The following TYW1B variants were observed in gnomAD, a reference collection of about 807,000 sequenced individuals.
TYW1B encodes the protein tRNA-yW synthesizing protein 1 homolog B, also known as S-adenosyl-L-methionine-dependent tRNA 4-demethylwyosine synthase TYW1B.
Under a neutral mutation model 86.9 loss-of-function variants are expected in TYW1B, and 73 were observed. The ratio of observed to expected loss-of-function variants is 0.84; its 90% CI spans 0.70 to 1.02. TYW1B has a LOEUF of 1.02. Ranked by LOEUF, TYW1B falls within the 50% of genes least tolerant of loss-of-function variation. The pLI, the probability that TYW1B is intolerant of heterozygous loss-of-function variation, is 0.00. For missense variants in TYW1B, 637 were observed against 827.4 expected (o/e 0.77, Z 2.82); for synonymous variants, 248 against 292.8 (o/e 0.85, Z 1.56).
chr7:72,630,833 A>G (rs1173714999), intron 11 of TYW1B, among the ~76,000 whole-genome samples: 1 of 152,136 alleles, frequency 6.6e-6, no homozygotes, highest in Non-Finnish European at 1.5e-5. Flanking sequence ...AATCCTTCCA[A>G]TGCCAAAAGC....
chr7:72,628,428 G>T (rs1238359272), intron 12 of TYW1B, among the ~76,000 whole-genome samples: 2 of 152,132 alleles, frequency 1.3e-5, no homozygotes, highest in Non-Finnish European at 2.9e-5. Flanking sequence ...AGAGAAAATG[G>T]GTAAAGGTAT....
At chr7:72,806,228 T>G (rs1198954115) in intron 5 of TYW1B, among the ~76,000 whole-genome samples, 1 of 123,642 alleles carries the variant, frequency 8.1e-6, no homozygotes, top group Admixed American at 9.7e-5. Context: ...TTTGGTTGTG[T>G]GTGTGTGGGT....
At chr7:72,765,371 T>C (rs1554468132) in intron 7 of TYW1B, among the ~76,000 whole-genome samples, 2 of 152,210 alleles carry the variant, frequency 1.3e-5, no homozygotes, top group Non-Finnish European at 2.9e-5. Flanking sequence ...GTTCTTGTTA[T>C]CTACGTGTAG....
chr7:72,705,189 TC>T (rs1814583530), intron 10 of TYW1B, among the ~76,000 whole-genome samples: 1 of 152,206 alleles, frequency 6.6e-6, no homozygotes. Context: ...CTGAGCTAAC[TC>T]ATACAAGAAA....
chr7:72,768,851 G>T lies in TYW1B; in HGVS notation c.964+8565C>A. ...ATCCTGTGCCCTATATGACTTCTCT[G>T]ATTCACAAACTCTAAGAATGGTTTA... On this transcript the variant is annotated intron_variant, in intron 7 of 13. Transcript: ENST00000620995. 1.0e-5 allele frequency: 3 copies of T among 290,376 alleles called. No individual in the cohort carries two copies. The South Asian group carries it at 1.3e-4, about 12-fold the overall frequency. The allele number at this position is 290,376 out of a possible 1,614,324, so 18.0% of individuals were successfully genotyped here. A position where few individuals can be genotyped will look rare whatever the true frequency, so the allele number is the denominator to read the frequency against.
intron 11 of TYW1B, among the ~76,000 whole-genome samples, chr7:72,681,227 G>A (rs35981739): frequency 1.2e-4 from 19 of 152,206 alleles, no homozygotes; most frequent in Admixed American, 2.0e-4. Flanking sequence ...AGAGGAGATC[G>A]GATAAATGCA....
intron 7 of TYW1B, among the ~76,000 whole-genome samples, chr7:72,773,797 C>G (rs1554470055): frequency 6.6e-6 from 1 of 152,132 alleles, no homozygotes; most frequent in African/African-American, 2.4e-5. Flanking sequence ...GGCATGGTGG[C>G]TCACACCTGT....
chr7:72,720,511 T>C (rs1158469529), intron 9 of TYW1B, among the ~76,000 whole-genome samples: 4 of 152,192 alleles, frequency 2.6e-5, no homozygotes, highest in South Asian at 2.1e-4. Flanking sequence ...TGATCAACTT[T>C]TTAAAGTAAT....
rs544647454 is a variant in TYW1B at position 72,648,074 on chromosome 7, A to G, written c.1507-19077T>C. On this transcript the variant is annotated intron_variant, in intron 11 of 13. Transcript: ENST00000620995. ...GCAGCATGGCATTAATAATATAAAT[A>G]TATCTACACCAAAAAAATTAAGGTT... Among the ~76,000 whole-genome samples the G allele has an allele frequency of 1.5e-4, 23 of 152,288 alleles. No homozygotes were observed. The East Asian group carries it at 3.9e-3, about 26-fold the overall frequency.
rs192909869 is a variant in TYW1B at position 72,740,790 on chromosome 7, G to A, written c.1082+3694C>T. Among the ~76,000 whole-genome samples the A allele has an allele frequency of 4.3e-3, 649 of 150,488 alleles. 3 individuals carry two copies. The highest frequency in any genetic ancestry group is 0.015 in the African/African-American group (616 of 40,930). ...GTGTTGCCCAGGCTGGAGTGCAGTGGCGTGATCTCGGCTCACTGCAAGCTC... is the reference window on the plus strand; with the variant it reads ...GTGTTGCCCAGGCTGGAGTGCAGTGACGTGATCTCGGCTCACTGCAAGCTC... On this transcript the variant is annotated intron_variant, in intron 8 of 13. Transcript: ENST00000620995.
intron 12 of TYW1B, among the ~76,000 whole-genome samples, chr7:72,619,302 A>G (rs1563032845): frequency 6.6e-6 from 1 of 152,208 alleles, no homozygotes; most frequent in South Asian, 2.1e-4. Context: ...TTGCTCAGTA[A>G]CAGAGCTTAA....
intron 5 of TYW1B, among the ~76,000 whole-genome samples, chr7:72,805,672 C>T (rs1554476550): frequency 6.6e-6 from 1 of 150,548 alleles, no homozygotes; most frequent in Non-Finnish European, 1.5e-5. Context: ...TCATAGTAAG[C>T]ATGAGAGGAA....
At chr7:72,608,717 G>A (rs1454211672) in intron 13 of TYW1B, among the ~76,000 whole-genome samples, 2 of 152,208 alleles carry the variant, frequency 1.3e-5, no homozygotes, top group African/African-American at 4.8e-5. Flanking sequence ...CTGATCAAAA[G>A]AAAGTCGAAG....
intron 6 of TYW1B, among the ~76,000 whole-genome samples, chr7:72,781,531 C>G (rs1393733362): frequency 6.6e-6 from 1 of 152,108 alleles, no homozygotes; most frequent in Non-Finnish European, 1.5e-5. Context: ...CCCAGTAAAG[C>G]CTTTCTTTTT....
chr7:72,721,598 T>A (rs1192234910), intron 9 of TYW1B, among the ~76,000 whole-genome samples: 2 of 151,770 alleles, frequency 1.3e-5, no homozygotes, highest in African/African-American at 4.9e-5. Flanking sequence ...TTTCCCATTA[T>A]CTCACACTCA....
chr7:72,674,357 T>C (rs1813685599), intron 11 of TYW1B, among the ~76,000 whole-genome samples: 1 of 152,130 alleles, frequency 6.6e-6, no homozygotes, highest in African/African-American at 2.4e-5. Flanking sequence ...TTTTCGGCAG[T>C]GGCTGTGATG....
At chr7:72,605,821 C>T (rs1277912271) in intron 13 of TYW1B, among the ~76,000 whole-genome samples, 1 of 152,246 alleles carries the variant, frequency 6.6e-6, no homozygotes, top group Non-Finnish European at 1.5e-5. Context: ...CTGGACAACA[C>T]CTTTCAATTA....
rs372230414 is a variant in TYW1B at position 72,815,480 on chromosome 7, C to A, written c.137G>T (p.Gly46Val). 6.9e-6 allele frequency: 11 copies of A among 1,604,444 alleles called. No homozygotes were observed. Among genetic ancestry groups the A allele is most frequent in the East Asian group, 2.2e-5 (1 of 44,548 alleles). ...ICVQIVIEMQ[G>V]FATVLAEAVT... ...TGCTTCAGCAAGAACTGTTGCAAAT[C>A]CCTAATAGGACAAAAAAAAACTTCA... The change falls in exon 3 of 14, where the codon GGA becomes GTA. Residue 46 changes from glycine (G) to valine (V), a missense_variant and splice_region_variant. By Grantham distance (109) the Gly-to-Val change is moderately radical. Transcript: ENST00000620995.
At chr7:72,669,042 T>C (rs1296705752) in intron 11 of TYW1B, among the ~76,000 whole-genome samples, 1 of 151,928 alleles carries the variant, frequency 6.6e-6, no homozygotes, top group Non-Finnish European at 1.5e-5. Flanking sequence ...TGGTGGAAAT[T>C]ATTATAGTAT....
Sources: gnomAD v4.1 joint callset for allele counts (sites outside exome capture counted in the v4.1 genomes callset) on GRCh38, gnomAD v4.1.1 for gene constraint, MANE v1.5 for transcripts, NCBI Gene and HGNC (gene_info 2026-07-23, HGNC 2026-07-21) for gene names.